The following TSHR variants were observed in gnomAD, a reference collection of about 807,000 sequenced individuals.
TSHR encodes the protein thyrotropin receptor.
TSHR carries 51 observed loss-of-function variants against 64.1 expected under a neutral mutation model. The observed-to-expected ratio is 0.80, with a 90% CI of 0.64 to 1.01. The LOEUF (loss-of-function observed/expected upper bound fraction) is 1.01, where lower values mean the gene tolerates loss of function less well. Among genes scored for constraint, TSHR ranks in the 50% least tolerant of loss-of-function variants. The probability of loss-of-function intolerance (pLI) is 0.00; values close to 1 mark genes in which losing one functional copy is unlikely to be tolerated. For missense variants in TSHR, 877 were observed against 942.8 expected (o/e 0.93, Z 0.91); for synonymous variants, 361 against 361.9 (o/e 1.00, Z 0.03).
At chr14:81,127,633 G>C (rs1300944809) in intron 8 of TSHR, among the ~76,000 whole-genome samples, 1 of 152,158 alleles carries the variant, frequency 6.6e-6, no homozygotes, top group African/African-American at 2.4e-5. Context: ...TCATGGAGGT[G>C]GTTCTTCTAT....
intron 1 of TSHR, chr14:80,983,381 T>C (rs1888273467): frequency 6.2e-6 from 7 of 1,123,008 alleles, no homozygotes; most frequent in Non-Finnish European, 8.9e-6. Flanking sequence ...AAACCAGACA[T>C]CTTGTTTTGA....
intron 1 of TSHR, among the ~76,000 whole-genome samples, chr14:81,022,359 G>T (rs1594963251): frequency 6.6e-6 from 1 of 152,206 alleles, no homozygotes; most frequent in Admixed American, 6.5e-5. Context: ...GTGTGCCACA[G>T]TGTTTCCAGA....
intron 8 of TSHR, among the ~76,000 whole-genome samples, chr14:81,115,367 G>C (rs1890450125): frequency 6.8e-6 from 1 of 147,830 alleles, no homozygotes; most frequent in Non-Finnish European, 1.5e-5. Flanking sequence ...CAAGGCTCGA[G>C]AACTACATGA....
chr14:81,116,088 A>G (rs990967962), intron 8 of TSHR, among the ~76,000 whole-genome samples: 1 of 152,156 alleles, frequency 6.6e-6, no homozygotes, highest in Non-Finnish European at 1.5e-5. Flanking sequence ...GCCAAAATGT[A>G]AAGACCATCG....
chr14:80,975,127 A>C (rs1030926863), intron 1 of TSHR, among the ~76,000 whole-genome samples: 1 of 152,234 alleles, frequency 6.6e-6, no homozygotes, highest in Non-Finnish European at 1.5e-5. Context: ...TCAAATGTTC[A>C]TGGAGCTCTT....
chr14:81,010,602 C>T (rs1235567097), intron 1 of TSHR, among the ~76,000 whole-genome samples: 2 of 152,064 alleles, frequency 1.3e-5, no homozygotes. Flanking sequence ...GCTTAACTCT[C>T]TTGCTTTTCC....
intron 8 of TSHR, among the ~76,000 whole-genome samples, chr14:81,116,623 G>A (rs1319234830): frequency 2.7e-3 from 377 of 139,006 alleles, no homozygotes; most frequent in East Asian, 0.014. Context: ...ACAGATCAAC[G>A]AGACAGAAAG....
At chr14:81,109,206 G>A (rs553837235) in intron 8 of TSHR, among the ~76,000 whole-genome samples, 17 of 152,158 alleles carry the variant, frequency 1.1e-4, no homozygotes, top group African/African-American at 3.4e-4. Flanking sequence ...TCAGGCGATC[G>A]AGACCATCCT....
intron 3 of TSHR, among the ~76,000 whole-genome samples, chr14:81,083,083 G>C (rs1374211562): frequency 6.6e-6 from 1 of 152,078 alleles, no homozygotes; most frequent in Non-Finnish European, 1.5e-5. Context: ...CCCTTCTTCT[G>C]TTCCTCATTC....
chr14:81,143,677 C>T lies in TSHR; in HGVS notation c.1619C>T (p.Ala540Val), dbSNP rs2140111941. Residue 540 changes from alanine (A) to valine (V), a missense_variant, in exon 10 of 10, where the codon GCC (alanine) becomes GTC (valine). Physicochemically the swap from Ala to Val is moderately conservative, Grantham distance 64. Transcript: ENST00000298171. ...AAGATCCGCCTCAGGCACGCATGTG[C>T]CATCATGGTTGGGGGCTGGGTTTGC... is the stretch of plus-strand genomic sequence containing the variant. ...DRKIRLRHACAIMVGGWVCCF... is the reference protein window; with the variant it reads ...DRKIRLRHACVIMVGGWVCCF... The T allele has an allele frequency of 6.2e-7, 1 of 1,614,214 alleles. No homozygotes were observed. Among genetic ancestry groups the T allele is most frequent in the Non-Finnish European group, 8.5e-7 (1 of 1,180,052 alleles).
At position 81,008,394 on chromosome 14, in the gene TSHR, C is replaced by G. The variant is rs556254740; in HGVS notation, c.170+52544C>G. On this transcript the variant is annotated intron_variant, in intron 1 of 9. Transcript: ENST00000298171. ...TCACCTTGTTAGCCAGGATGGTCTC[C>G]ATCTCCTGACTTCATGATCTGCCCA... 4.5e-3 allele frequency among the ~76,000 whole-genome samples: 677 copies of G among 152,068 alleles called. 4 individuals are homozygous for G. The highest frequency in any genetic ancestry group is 0.014 in the African/African-American group (565 of 41,468).
At chr14:81,102,216 T>C (rs1203861620) in intron 7 of TSHR, among the ~76,000 whole-genome samples, 2 of 148,924 alleles carry the variant, frequency 1.3e-5, no homozygotes, top group Admixed American at 1.3e-4. Context: ...AATGAGACAA[T>C]ATTATTAGAG....
chr14:81,103,952 G>A lies in TSHR; in HGVS notation c.615-4423G>A, dbSNP rs543898147. 18 of 985,444 alleles carry A rather than the reference G, an allele frequency of 1.8e-5. No individual in the cohort carries two copies. In the South Asian group the frequency reaches 8.5e-4, roughly 46 times the overall value. The allele number at this position is 985,444 out of a possible 1,614,324, so 61.0% of individuals were successfully genotyped here. A position where few individuals can be genotyped will look rare whatever the true frequency, so the allele number is the denominator to read the frequency against. On this transcript the variant is annotated intron_variant, in intron 7 of 9. Coordinates refer to ENST00000298171, the MANE Select transcript of TSHR (RefSeq NM_000369.5). The surrounding 1 kb of genome is among the most constrained non-coding windows in gnomAD (Gnocchi z 4.1). Reference sequence around the variant, plus strand: ...CTAATTATTATGAACAGAGTCAACAGAATTAATGTGCTAATTAGCATCATG... The same window carrying A: ...CTAATTATTATGAACAGAGTCAACAAAATTAATGTGCTAATTAGCATCATG...
At chr14:81,012,251 C>T (rs1433931815) in intron 1 of TSHR, 2 of 151,404 alleles carry the variant, frequency 1.3e-5, no homozygotes, top group African/African-American at 4.9e-5. Flanking sequence ...TCATCCATGT[C>T]CCTACAAAGG....
chr14:80,987,389 TC>T (rs1309862653), intron 1 of TSHR, among the ~76,000 whole-genome samples: 1 of 152,238 alleles, frequency 6.6e-6, no homozygotes, highest in Non-Finnish European at 1.5e-5. Flanking sequence ...ACTCCCTGAA[TC>T]CTTTGCTTGT....
At chr14:81,022,815 C>T (rs1883841705) in intron 1 of TSHR, among the ~76,000 whole-genome samples, 1 of 151,412 alleles carries the variant, frequency 6.6e-6, no homozygotes, top group Admixed American at 6.6e-5. Flanking sequence ...AGCGAGACTT[C>T]ATCTCAAAAG....
intron 2 of TSHR, among the ~76,000 whole-genome samples, chr14:81,065,722 T>C (rs1313196413): frequency 6.6e-6 from 1 of 152,200 alleles, no homozygotes. Context: ...TTTGTCATTG[T>C]CCAGAAGGAT....
chr14:80,981,485 C>T (rs1006162467), intron 1 of TSHR, among the ~76,000 whole-genome samples: 1 of 152,014 alleles, frequency 6.6e-6, no homozygotes, highest in Non-Finnish European at 1.5e-5. Flanking sequence ...GGGCCCTGGG[C>T]GTGTGGAGGC....
chr14:80,982,704 TA>T, intron 1 of TSHR: 1 of 909,166 alleles, frequency 1.1e-6, no homozygotes, highest in Non-Finnish European at 1.6e-6. Context: ...CCCAGGCATC[TA>T]AGGCAAGCCC....
Sources: gnomAD v4.1 joint callset for allele counts (sites outside exome capture counted in the v4.1 genomes callset) on GRCh38, gnomAD v4.1.1 for gene constraint, Gnocchi (gnomAD v3.1) non-coding constraint, MANE v1.5 for transcripts, NCBI Gene and HGNC (gene_info 2026-07-23, HGNC 2026-07-21) for gene names.